ASXL3: variants seen among roughly 807,000 people sequenced by gnomAD.
ASXL3 encodes the protein ASXL transcriptional regulator 3.
Under a neutral mutation model 170.6 loss-of-function variants are expected in ASXL3, and 34 were observed. The observed-to-expected ratio is 0.20, with a 90% CI of 0.15 to 0.27. The LOEUF (loss-of-function observed/expected upper bound fraction) is 0.27, where lower values mean the gene tolerates loss of function less well. Ranked by LOEUF, ASXL3 falls within the 10% of genes least tolerant of loss-of-function variation. The probability of loss-of-function intolerance (pLI) is 1.00; values close to 1 mark genes in which losing one functional copy is unlikely to be tolerated. For missense variants in ASXL3, 2,592 were observed against 2,695.3 expected, an observed-to-expected ratio of 0.96 and a Z score of 0.85; for synonymous variants, 1,002 against 989.1, an observed-to-expected ratio of 1.01 and a Z score of -0.24.
intron 2 of ASXL3, among the ~76,000 whole-genome samples, chr18:33,618,310 G>A (rs1042731013): frequency 1.9e-4 from 28 of 150,922 alleles, no homozygotes; most frequent in African/African-American, 5.8e-4. Flanking sequence ...AAAAAGTTAA[G>A]GCCTGTGCTG....
At chr18:33,662,574 A>G (rs1360870347) in intron 5 of ASXL3, among the ~76,000 whole-genome samples, 1 of 152,160 alleles carries the variant, frequency 6.6e-6, no homozygotes, top group East Asian at 1.9e-4. Context: ...AGGAGATGTT[A>G]TGGTTAGATG....
intron 4 of ASXL3, among the ~76,000 whole-genome samples, chr18:33,648,971 C>T (rs1848331016): frequency 6.6e-6 from 1 of 151,716 alleles, no homozygotes; most frequent in Non-Finnish European, 1.5e-5. Context: ...AATGGTAAGA[C>T]CATAGCTTGA....
At chr18:33,612,668 G>A (rs542064966) in intron 2 of ASXL3, among the ~76,000 whole-genome samples, 1 of 152,134 alleles carries the variant, frequency 6.6e-6, no homozygotes, top group East Asian at 1.9e-4. Context: ...GGGATAACAT[G>A]TCAGAAATTC....
intron 2 of ASXL3, among the ~76,000 whole-genome samples, chr18:33,610,760 A>G (rs2065324330): frequency 1.3e-5 from 2 of 151,976 alleles, no homozygotes; most frequent in Non-Finnish European, 2.9e-5. Context: ...TTGCATTCAG[A>G]GTTAGAAGCT....
intron 2 of ASXL3, among the ~76,000 whole-genome samples, chr18:33,619,500 C>T (rs1179982016): frequency 6.6e-6 from 1 of 151,300 alleles, no homozygotes; most frequent in African/African-American, 2.4e-5. Context: ...GATGCAAAAC[C>T]TCACACCGTT....
At chr18:33,643,204 T>C (rs1348913362) in intron 2 of ASXL3, among the ~76,000 whole-genome samples, 1 of 151,908 alleles carries the variant, frequency 6.6e-6, no homozygotes, top group African/African-American at 2.4e-5. Flanking sequence ...AAGAATATAA[T>C]GTAAAAATAT....
At chr18:33,646,810 G>C (rs1305668968) in intron 4 of ASXL3, among the ~76,000 whole-genome samples, 2 of 128,238 alleles carry the variant, frequency 1.6e-5, no homozygotes, top group Non-Finnish European at 3.1e-5. Context: ...TGAAAAGAGG[G>C]CCAAATAAGA....
chr18:33,681,407 C>A (rs1348627605), intron 7 of ASXL3, among the ~76,000 whole-genome samples: 1 of 151,984 alleles, frequency 6.6e-6, no homozygotes, highest in Non-Finnish European at 1.5e-5. Context: ...ATTTAGGATA[C>A]CAAAAACATT....
At chr18:33,656,995 G>A (rs1484579753) in intron 4 of ASXL3, among the ~76,000 whole-genome samples, 2 of 152,000 alleles carry the variant, frequency 1.3e-5, no homozygotes, top group African/African-American at 2.4e-5. Context: ...TTAATAGATC[G>A]ACTGCTCTGT....
At chr18:33,730,575 A>G (rs1167902763) in intron 8 of ASXL3, among the ~76,000 whole-genome samples, 2 of 152,056 alleles carry the variant, frequency 1.3e-5, no homozygotes, top group Non-Finnish European at 2.9e-5. Flanking sequence ...ATTCATTCAT[A>G]TATCAGGGCT....
Position 33,617,636 on chromosome 18 carries a change from T to A in ASXL3, c.137+9960T>A, listed in dbSNP as rs199504958. 1.9e-3 allele frequency among the ~76,000 whole-genome samples: 286 copies of A among 152,308 alleles called. 4 individuals are homozygous for A. Among genetic ancestry groups the A allele is most frequent in the Admixed American group, 0.016 (249 of 15,288 alleles). On this transcript the variant is annotated intron_variant, in intron 2 of 11. Coordinates refer to ENST00000269197, the MANE Select transcript of ASXL3 (RefSeq NM_030632.3). Reference sequence around the variant, plus strand: ...CAATAACCACTAAGCTATGCAATTATAGCCACGAAATGGCCATTTCTTAAT... The same window carrying A: ...CAATAACCACTAAGCTATGCAATTAAAGCCACGAAATGGCCATTTCTTAAT...
At chr18:33,596,644 C>T (rs1296236147) in intron 1 of ASXL3, among the ~76,000 whole-genome samples, 2 of 152,144 alleles carry the variant, frequency 1.3e-5, no homozygotes, top group African/African-American at 2.4e-5. Flanking sequence ...ATTTTTCTGA[C>T]TCAGATTGAA....
Position 33,630,854 on chromosome 18 carries a change from A to G in ASXL3, c.138-14040A>G, listed in dbSNP as rs577932108. Among the ~76,000 whole-genome samples the G allele has an allele frequency of 3.9e-5, 6 of 152,148 alleles. No individual in the cohort carries two copies. In the South Asian group the frequency reaches 1.2e-3, roughly 32 times the overall value. On this transcript the variant is annotated intron_variant, in intron 2 of 11. Coordinates refer to ENST00000269197, the MANE Select transcript of ASXL3 (RefSeq NM_030632.3). ...TCAACATGTAATATGCTTTTCTTCA[A>G]CATGTAATTTTTTTACATTTTGAAA...
chr18:33,745,513 G>A lies in ASXL3; in HGVS notation c.5665G>A (p.Val1889Ile), dbSNP rs760605848. Residue 1889 changes from valine (V) to isoleucine (I), a missense_variant, in exon 12 of 12, where the codon GTT becomes ATT. Transcript: ENST00000269197. ...LNKHSMQNRIVHSPEVKQQKR... is the reference protein window; with the variant it reads ...LNKHSMQNRIIHSPEVKQQKR... ...CAAGCACTCCATGCAGAACAGAATT[G>A]TTCACAGCCCTGAGGTCAAACAGCA... 2.1e-5 allele frequency: 34 copies of A among 1,613,882 alleles called. No homozygotes were observed. Among genetic ancestry groups the A allele is most frequent in the Non-Finnish European group, 6.8e-6 (8 of 1,179,906 alleles).
At chr18:33,679,682 C>G (rs1228029491) in intron 7 of ASXL3, among the ~76,000 whole-genome samples, 1 of 151,990 alleles carries the variant, frequency 6.6e-6, no homozygotes, top group African/African-American at 2.4e-5. Context: ...GCGTTGCGTA[C>G]TGATTCATTT....
At chr18:33,590,044 A>G (rs1446155950) in intron 1 of ASXL3, among the ~76,000 whole-genome samples, 1 of 150,830 alleles carries the variant, frequency 6.6e-6, no homozygotes, top group African/African-American at 2.5e-5. Context: ...TGAGAAATCC[A>G]GGAATGAACT....
Position 33,746,540 on chromosome 18 carries a change from A to G in ASXL3, c.6692A>G (p.His2231Arg), listed in dbSNP as rs2067798023. 6.2e-7 allele frequency: 1 copy of G among 1,611,500 alleles called. No individual in the cohort carries two copies. The highest frequency in any genetic ancestry group is 1.3e-5 in the African/African-American group (1 of 74,932). ...TGCAAAGGCTGTGGGGCCTTCTGCC[A>G]TGACGACTGCATAGGTCCTTCAAAA... ...IVCKGCGAFC[H>R]DDCIGPSKLC... Residue 2231 changes from histidine to arginine, a missense_variant, in exon 12 of 12, where the codon CAT becomes CGT. Physicochemically the swap from His to Arg is conservative, Grantham distance 29 (BLOSUM62 0). Around this residue, in one of 4 missense-constraint regions of ASXL3, gnomAD observed 22 missense variants for 51.1 expected, o/e 0.43. Coordinates refer to ENST00000269197, the MANE Select transcript of ASXL3 (RefSeq NM_030632.3).
chr18:33,684,492 T>C (rs2066561889), intron 8 of ASXL3, among the ~76,000 whole-genome samples: 1 of 152,332 alleles, frequency 6.6e-6, no homozygotes, highest in South Asian at 2.1e-4. Flanking sequence ...TTAAATATGA[T>C]AAGCAACAGT....
chr18:33,590,543 A>C (rs1306795834), intron 1 of ASXL3, among the ~76,000 whole-genome samples: 1 of 152,202 alleles, frequency 6.6e-6, no homozygotes, highest in African/African-American at 2.4e-5. Flanking sequence ...TTAGCTAGTA[A>C]GTTGTGGAGG....
Sources: allele counts gnomAD v4.1 joint callset (sites outside exome capture counted in the v4.1 genomes callset), GRCh38; gene constraint gnomAD v4.1.1; regional missense constraint gnomAD v4.1.1; transcripts MANE v1.5; gene names NCBI Gene and HGNC (gene_info 2026-07-23, HGNC 2026-07-21).